HERC4: variants seen among roughly 807,000 people sequenced by gnomAD.
HERC4 encodes the protein HECT and RLD domain containing E3 ubiquitin protein ligase 4.
Under a neutral mutation model 124.3 loss-of-function variants are expected in HERC4, and 28 were observed. The observed-to-expected ratio is 0.23, with a 90% CI of 0.17 to 0.31. The LOEUF is 0.31. Among genes scored for constraint, HERC4 ranks in the 10% least tolerant of loss-of-function variants. The pLI, the probability that HERC4 is intolerant of heterozygous loss-of-function variation, is 1.00. For missense variants in HERC4, 713 were observed against 1,229.3 expected (o/e 0.58, Z 6.28); for synonymous variants, 407 against 421.5 (o/e 0.97, Z 0.42).
chr10:68,010,445 C>T, intron 9 of HERC4: 1 of 945,004 alleles, frequency 1.1e-6, no homozygotes, highest in Non-Finnish European at 1.7e-6. Context: ...GCTTGCCCTT[C>T]TGGCGCCAAT....
rs561302958 is a variant in HERC4, at chr10:68,001,530, G to C, written c.1070-8848C>G. ...ATGTAACTAGTTTTTATCCTATACA[G>C]CTTGAGTACAGTGCAAAAAGATTAT... On this transcript the variant is annotated intron_variant, in intron 9 of 24. Coordinates refer to ENST00000373700, the MANE Select transcript of HERC4 (RefSeq NM_015601.4). 5.5e-4 allele frequency among the ~76,000 whole-genome samples: 84 copies of C among 152,224 alleles called. 2 individuals are homozygous for C. The South Asian group carries it at 0.017, about 31-fold the overall frequency.
At chr10:68,049,590 C>CAAAAA (rs766514516) in intron 3 of HERC4, among the ~76,000 whole-genome samples, 1,524 of 42,402 alleles carry the variant, frequency 0.036, 183 homozygotes, top group African/African-American at 0.046. Context: ...GACACTGCCA[C>CAAAAA]AAAAAAAAAA....
chr10:67,966,462 G>A (rs1181118589), intron 16 of HERC4: 6 of 417,484 alleles, frequency 1.4e-5, no homozygotes, highest in Non-Finnish European at 2.5e-5. Context: ...GTTTTACAGT[G>A]TAATCCATTT....
chr10:67,934,783 T>C (rs2032180400), intron 22 of HERC4, among the ~76,000 whole-genome samples: 1 of 152,194 alleles, frequency 6.6e-6, no homozygotes. Flanking sequence ...GTGGGTTTTC[T>C]GGACAGTTTT....
chr10:67,924,566 C>G (rs1006193885), intron 24 of HERC4, among the ~76,000 whole-genome samples: 1 of 152,142 alleles, frequency 6.6e-6, no homozygotes, highest in African/African-American at 2.4e-5. Context: ...GGACCACTAT[C>G]GTATATATGG....
At chr10:67,962,341 G>A (rs2034579568) in intron 16 of HERC4, among the ~76,000 whole-genome samples, 1 of 151,922 alleles carries the variant, frequency 6.6e-6, no homozygotes, top group Non-Finnish European at 1.5e-5. Flanking sequence ...TGAAATATTA[G>A]TATGTATGCA....
At chr10:68,050,811 T>C (rs2040256678) in intron 3 of HERC4, among the ~76,000 whole-genome samples, 1 of 151,962 alleles carries the variant, frequency 6.6e-6, no homozygotes, top group Non-Finnish European at 1.5e-5. Context: ...CAAATCAAGA[T>C]GGCCTAAAAA....
rs376881093 is a variant in HERC4, at chr10:67,939,950, G to A, written c.2505-296C>T. Among the ~76,000 whole-genome samples, 9 of 151,978 alleles carry A rather than the reference G, an allele frequency of 5.9e-5. No homozygotes were observed. In the East Asian group the frequency reaches 7.7e-4, roughly 13 times the overall value. On this transcript the variant is annotated intron_variant, in intron 20 of 24. Transcript: ENST00000373700. ...TATTTTATTTTATTTTTCCCGAGATGGAGTCTTGCTCTGTCGCCCAGGCTG... is the reference window on the plus strand; with the variant it reads ...TATTTTATTTTATTTTTCCCGAGATAGAGTCTTGCTCTGTCGCCCAGGCTG...
At chr10:67,987,859 T>G (rs2132722945) in intron 15 of HERC4, among the ~76,000 whole-genome samples, 1 of 152,222 alleles carries the variant, frequency 6.6e-6, no homozygotes, top group Admixed American at 6.5e-5. Context: ...ATTATTTACC[T>G]TAGCACTAGG....
At chr10:67,981,155 C>T (rs2035906185) in intron 15 of HERC4, among the ~76,000 whole-genome samples, 2 of 152,104 alleles carry the variant, frequency 1.3e-5, no homozygotes, top group African/African-American at 4.8e-5. Context: ...AAGAAACACA[C>T]TTCACTTATA....
At chr10:67,945,230 G>A (rs571111731) in intron 19 of HERC4, among the ~76,000 whole-genome samples, 215 of 152,272 alleles carry the variant, frequency 1.4e-3, no homozygotes, top group African/African-American at 5.0e-3. Context: ...AACATACAGT[G>A]GAGCTCCAGT....
chr10:67,935,300 C>G (rs532704376), intron 22 of HERC4, among the ~76,000 whole-genome samples: 17 of 152,186 alleles, frequency 1.1e-4, no homozygotes, highest in Non-Finnish European at 2.9e-5. Context: ...CACATTCCAC[C>G]ACACCTGGCT....
At chr10:67,931,215 A>C (rs897181698) in intron 23 of HERC4, among the ~76,000 whole-genome samples, 2 of 148,530 alleles carry the variant, frequency 1.3e-5, no homozygotes, top group South Asian at 2.2e-4. Flanking sequence ...CGATCTCTTA[A>C]CCTCGTGATC....
intron 9 of HERC4, chr10:67,993,766 G>A (rs1194058259): frequency 1.3e-5 from 2 of 151,984 alleles, no homozygotes; most frequent in Non-Finnish European, 2.9e-5. Flanking sequence ...AAGATATTCC[G>A]GGCCTCTTTT....
chr10:67,969,186 G>A (rs2035079336), intron 15 of HERC4, among the ~76,000 whole-genome samples: 1 of 152,166 alleles, frequency 6.6e-6, no homozygotes, highest in Non-Finnish European at 1.5e-5. Flanking sequence ...GAGAGCTAAA[G>A]TTACAAGACA....
chr10:68,026,260 T>A lies in HERC4; in HGVS notation c.778-584A>T, dbSNP rs189549197. ...GCAGGCATGCACCACCACATCTGGCTAATTTTTTACTTTTTTGTAGAGATG... is the reference window on the plus strand; with the variant it reads ...GCAGGCATGCACCACCACATCTGGCAAATTTTTTACTTTTTTGTAGAGATG... On this transcript the variant is annotated intron_variant, in intron 7 of 24. Coordinates refer to ENST00000373700, the MANE Select transcript of HERC4 (RefSeq NM_015601.4). Among the ~76,000 whole-genome samples the A allele has an allele frequency of 3.5e-3, 535 of 152,186 alleles. 5 individuals are homozygous for A. Among genetic ancestry groups the A allele is most frequent in the African/African-American group, 0.012 (504 of 41,536 alleles).
rs919061706 is a variant in HERC4 at position 68,047,458 on chromosome 10, T to C, written c.227-2895A>G. On this transcript the variant is annotated intron_variant, in intron 3 of 24. Transcript: ENST00000373700. ...CAAGCCATAGCCCAGGGGAAAACAT[T>C]TGCAAAAGATACAGCTGATAAAGAA... Among the ~76,000 whole-genome samples, 4 of 152,214 alleles carry C rather than the reference T, an allele frequency of 2.6e-5. No homozygotes were observed. The South Asian group carries it at 8.3e-4, about 32-fold the overall frequency.
chr10:68,046,354 T>C (rs1751665231), intron 3 of HERC4, among the ~76,000 whole-genome samples: 1 of 152,100 alleles, frequency 6.6e-6, no homozygotes, highest in African/African-American at 2.4e-5. Flanking sequence ...CAATAACAAA[T>C]TAATAGCATC....
At chr10:68,067,608 C>T (rs961553594) in intron 3 of HERC4, 3 of 151,980 alleles carry the variant, frequency 2.0e-5, no homozygotes, top group East Asian at 1.9e-4. Flanking sequence ...AGGAGCAGCT[C>T]GTTTATAAAT....
Sources: allele counts gnomAD v4.1 joint callset (sites outside exome capture counted in the v4.1 genomes callset), GRCh38; gene constraint gnomAD v4.1.1; transcripts MANE v1.5; gene names NCBI Gene and HGNC (gene_info 2026-07-23, HGNC 2026-07-21).